The following SOX5 variants were observed in gnomAD, a reference collection of about 807,000 sequenced individuals.
SOX5 encodes the protein transcription factor SOX-5.
Under a neutral mutation model 92.0 loss-of-function variants are expected in SOX5, and 9 were observed. The ratio of observed to expected loss-of-function variants is 0.10; its 90% CI spans 0.06 to 0.17. The LOEUF (loss-of-function observed/expected upper bound fraction) is 0.17. Ranked by LOEUF, SOX5 falls within the 10% of genes least tolerant of loss-of-function variation. The probability of loss-of-function intolerance (pLI) is 1.00; values close to 1 mark genes in which losing one functional copy is unlikely to be tolerated. For synonymous variants in SOX5, 344 were observed against 336.3 expected, an observed-to-expected ratio of 1.02 and a Z score of -0.25; for missense variants, 642 against 944.5, an observed-to-expected ratio of 0.68 and a Z score of 4.20.
intron 1 of SOX5, among the ~76,000 whole-genome samples, chr12:24,560,528 C>T (rs964535671): frequency 6.6e-6 from 1 of 152,112 alleles, no homozygotes; most frequent in African/African-American, 2.4e-5. Flanking sequence ...TAGGCTTCTG[C>T]CTGGGAGCTA....
intron 4 of SOX5, among the ~76,000 whole-genome samples, chr12:24,082,404 GA>G (rs58736325): frequency 0.03 from 2,156 of 72,940 alleles, 6 homozygotes; most frequent in African/African-American, 0.067. Flanking sequence ...CTTTCGAAAA[GA>G]AAAAAAAAAA....
At chr12:23,720,683 C>T (rs1389201860) in intron 6 of SOX5, among the ~76,000 whole-genome samples, 4 of 151,982 alleles carry the variant, frequency 2.6e-5, no homozygotes, top group Non-Finnish European at 4.4e-5. Flanking sequence ...ATGTACCTTC[C>T]AAAATAAATT....
chr12:24,408,956 C>A (rs538287980), intron 1 of SOX5, among the ~76,000 whole-genome samples: 1 of 152,114 alleles, frequency 6.6e-6, no homozygotes, highest in South Asian at 2.1e-4. Flanking sequence ...TATCATTTGA[C>A]CCAGCAATCC....
chr12:24,263,607 TC>T (rs1485386477), intron 3 of SOX5, among the ~76,000 whole-genome samples: 2 of 149,952 alleles, frequency 1.3e-5, no homozygotes, highest in Non-Finnish European at 3.0e-5. Context: ...ATATTAATAA[TC>T]TTTGTTTCTG....
chr12:23,995,062 G>T (rs927528345), intron 4 of SOX5, among the ~76,000 whole-genome samples: 8 of 152,138 alleles, frequency 5.3e-5, no homozygotes, highest in African/African-American at 1.7e-4. Flanking sequence ...AGAAGTCCCT[G>T]GTGCTTCTAA....
At chr12:23,761,314 C>T (rs1433777035) in intron 3 of SOX5, among the ~76,000 whole-genome samples, 4 of 152,078 alleles carry the variant, frequency 2.6e-5, no homozygotes, top group East Asian at 1.9e-4. Flanking sequence ...AAACAACACA[C>T]GCATTCGATT....
At chr12:23,781,261 A>T (rs1301939677) in intron 3 of SOX5, among the ~76,000 whole-genome samples, 3 of 145,152 alleles carry the variant, frequency 2.1e-5, no homozygotes, top group South Asian at 2.2e-4. Flanking sequence ...CCATGGAGGA[A>T]TTTTTTTTTT....
chr12:24,231,214 GACC>G (rs1474969602), intron 3 of SOX5, among the ~76,000 whole-genome samples: 2 of 152,142 alleles, frequency 1.3e-5, no homozygotes, highest in African/African-American at 2.4e-5. Flanking sequence ...CAGTTAATAT[GACC>G]ACATTAGAAT....
At chr12:23,876,335 T>G (rs1054533464) in intron 2 of SOX5, among the ~76,000 whole-genome samples, 5 of 152,070 alleles carry the variant, frequency 3.3e-5, no homozygotes, top group Non-Finnish European at 7.4e-5. Flanking sequence ...CAGACACTTC[T>G]CAAAAGAAGA....
chr12:23,894,481 C>T (rs576201668), intron 2 of SOX5, among the ~76,000 whole-genome samples: 1 of 152,224 alleles, frequency 6.6e-6, no homozygotes, highest in Non-Finnish European at 1.5e-5. Context: ...CTCACCTTGG[C>T]CTCCCAAAGT....
intron 2 of SOX5, among the ~76,000 whole-genome samples, chr12:23,847,552 A>G (rs2096588335): frequency 6.6e-6 from 1 of 152,186 alleles, no homozygotes; most frequent in African/African-American, 2.4e-5. Flanking sequence ...AGATACGTCA[A>G]CACAAACATA....
intron 6 of SOX5, among the ~76,000 whole-genome samples, chr12:23,703,415 A>AACATTCAAACAGGCAGGCCC (rs2090941190): frequency 6.6e-6 from 1 of 152,042 alleles, no homozygotes; most frequent in East Asian, 1.9e-4. Flanking sequence ...CTTTCTTGGA[A>AACATTCAAACAGGCAGGCCC]ACATTCAAAC....
chr12:23,983,658 G>C (rs1304641533), intron 4 of SOX5, among the ~76,000 whole-genome samples: 1 of 152,066 alleles, frequency 6.6e-6, no homozygotes, highest in Non-Finnish European at 1.5e-5. Flanking sequence ...TATTCATTCA[G>C]AATTATACAA....
upstream of SOX5, among the ~76,000 whole-genome samples, chr12:23,953,901 G>C (rs1369524223): frequency 6.6e-6 from 1 of 151,948 alleles, no homozygotes. Flanking sequence ...GTATGCTTTT[G>C]AGCTCATGTT....
chr12:23,785,071 G>A (rs1057510262), intron 3 of SOX5, among the ~76,000 whole-genome samples: 23 of 152,180 alleles, frequency 1.5e-4, no homozygotes, highest in Admixed American at 2.0e-4. Context: ...GACACAGGGA[G>A]ATTCTGTCTC....
chr12:24,279,876 C>T (rs1272982617), intron 2 of SOX5, among the ~76,000 whole-genome samples: 1 of 152,110 alleles, frequency 6.6e-6, no homozygotes, highest in African/African-American at 2.4e-5. Flanking sequence ...GCAGGGGAGA[C>T]AGATGATAAG....
chr12:23,880,412 C>T (rs1264514395), intron 2 of SOX5, among the ~76,000 whole-genome samples: 1 of 152,082 alleles, frequency 6.6e-6, no homozygotes, highest in Non-Finnish European at 1.5e-5. Context: ...AAGAAAATTA[C>T]ATATTGGATT....
chr12:24,236,293 T>C (rs941044815), intron 3 of SOX5, among the ~76,000 whole-genome samples: 1 of 152,196 alleles, frequency 6.6e-6, no homozygotes, highest in African/African-American at 2.4e-5. Flanking sequence ...TCATATCTGT[T>C]AGTCTATGTA....
At chr12:23,667,644 A>T (rs1216645445) in intron 6 of SOX5, among the ~76,000 whole-genome samples, 1 of 152,160 alleles carries the variant, frequency 6.6e-6, no homozygotes, top group Non-Finnish European at 1.5e-5. Flanking sequence ...CTTACGCTGG[A>T]ACTGCATCTC....
Sources: gnomAD v4.1 joint callset for allele counts (sites outside exome capture counted in the v4.1 genomes callset) on GRCh38, gnomAD v4.1.1 for gene constraint, MANE v1.5 for transcripts, NCBI Gene and HGNC (gene_info 2026-07-23, HGNC 2026-07-21) for gene names.